The following TSNAXIP1 variants were observed in gnomAD, a reference collection of about 807,000 sequenced individuals.
TSNAXIP1 encodes translin associated factor X interacting protein 1, also known as translin-associated factor X-interacting protein 1.
TSNAXIP1 carries 89 observed loss-of-function variants against 84.8 expected under a neutral mutation model. The observed-to-expected ratio is 1.05, with a 90% CI of 0.88 to 1.25. The LOEUF is 1.25. Among genes scored for constraint, TSNAXIP1 ranks in the 50% most tolerant of loss-of-function variants. TSNAXIP1 has a pLI of 0.00. For synonymous variants in TSNAXIP1, 347 were observed against 335.2 expected, an observed-to-expected ratio of 1.04 and a Z score of -0.39; for missense variants, 874 against 887.6, an observed-to-expected ratio of 0.98 and a Z score of 0.20.
Position 67,826,232 on chromosome 16 carries a change from G to A in TSNAXIP1, c.1225G>A (p.Glu409Lys). The A allele has an allele frequency of 2.5e-6, 4 of 1,600,134 alleles. No homozygotes were observed. Among genetic ancestry groups the A allele is most frequent in the Non-Finnish European group, 3.4e-6 (4 of 1,172,054 alleles). ...NSDQLVDVLL[E>K]EIGSGLLREK... is the part of the protein sequence containing the mutation. ...CGACCAGCTGGTGGACGTGCTCCTG[G>A]AAGAGATTGGTTCGGGGCTGCTGCG... is the stretch of plus-strand genomic sequence containing the variant. Residue 409 changes from glutamate to lysine, a missense_variant, in exon 10 of 16, where the codon GAA becomes AAA. Glu to Lys is a moderately conservative substitution (Grantham distance 56). Transcript: ENST00000561639.
intron 2 of TSNAXIP1, among the ~76,000 whole-genome samples, chr16:67,814,889 G>A (rs1182585578): frequency 1.3e-5 from 2 of 152,178 alleles, no homozygotes; most frequent in African/African-American, 2.4e-5. Flanking sequence ...CTGAGTAGGT[G>A]TGTGAAGGCA....
At chr16:67,822,915 T>C (rs2057177029) in intron 4 of TSNAXIP1, among the ~76,000 whole-genome samples, 3 of 152,208 alleles carry the variant, frequency 2.0e-5, no homozygotes, top group Non-Finnish European at 4.4e-5. Context: ...ACCACACCCC[T>C]ACTTGCATGT....
rs76230155 is a variant in TSNAXIP1, at chr16:67,812,791, A to T, written c.48-1511A>T. Among the ~76,000 whole-genome samples the T allele has an allele frequency of 7.9e-4, 120 of 152,042 alleles. 1 individual carries two copies. The East Asian group carries it at 0.021, about 27-fold the overall frequency. On this transcript the variant is annotated intron_variant, in intron 1 of 15. Transcript: ENST00000561639. ...AACCAGAAATAAATAAATAAATAAA[A>T]ATAGAGGCAAAGTCTCACTATGTTG...
Position 67,827,012 on chromosome 16 carries a change from T to C in TSNAXIP1, c.1604T>C (p.Leu535Pro). ...CAGAAGGAGACAGTAGCCCAGCTGC[T>C]GAAGGAGATGACAAATGCTGACAGT... ...VTQKETVAQL[L>P]KEMTNADSQN... Residue 535 changes from leucine (L) to proline (P), a missense_variant, in exon 13 of 16, where the codon CTG (leucine) becomes CCG (proline). By Grantham distance (98) the Leu-to-Pro change is moderately conservative. Transcript: ENST00000561639. 3 of 1,614,176 alleles carry C rather than the reference T, an allele frequency of 1.9e-6. No individual in the cohort carries two copies. Among genetic ancestry groups the C allele is most frequent in the Non-Finnish European group, 2.5e-6 (3 of 1,180,040 alleles).
intron 1 of TSNAXIP1, 46 bp downstream of exon 1, chr16:67,807,242 T>C (rs1666082144): frequency 6.5e-7 from 1 of 1,535,692 alleles, no homozygotes; most frequent in Admixed American, 2.0e-5. Context: ...TTTGAGTACT[T>C]CTAGAGAGGG....
chr16:67,827,774 C>T lies in TSNAXIP1; in HGVS notation c.1920C>T (p.Pro640=). Residue 640 remains proline, a synonymous_variant, in exon 16 of 16, where the codon CCC becomes CCT. Coordinates refer to ENST00000561639, the MANE Select transcript of TSNAXIP1 (RefSeq NM_001288990.3). Reference sequence around the variant, plus strand: ...GCAGCCATGAGGAAGTGACTCTGCCCAAGCTGCGAGGGGGCCTGATGACCA... The same window carrying T: ...GCAGCCATGAGGAAGTGACTCTGCCTAAGCTGCGAGGGGGCCTGATGACCA... The part of the protein sequence containing the change: ...GIELHEEVTL[P]KLRGGLMTID... 1.2e-6 allele frequency: 2 copies of T among 1,614,068 alleles called. No individual in the cohort carries two copies. Among genetic ancestry groups the T allele is most frequent in the Non-Finnish European group, 1.7e-6 (2 of 1,180,036 alleles).
chr16:67,808,909 G>A (rs971304169), intron 1 of TSNAXIP1, among the ~76,000 whole-genome samples: 4 of 151,682 alleles, frequency 2.6e-5, no homozygotes, highest in African/African-American at 9.7e-5. Flanking sequence ...GCACAGGGCT[G>A]GTCATGATGG....
At chr16:67,823,515 C>G in intron 4 of TSNAXIP1, 111 bp from the exon 5 acceptor site, 1 of 786,974 alleles carries the variant, frequency 1.3e-6, no homozygotes. Context: ...AGCACTCCAG[C>G]CTGGGTGATG....
chr16:67,807,263 T>C, intron 1 of TSNAXIP1, 67 bp downstream of exon 1: 3 of 1,535,610 alleles, frequency 2.0e-6, no homozygotes, highest in Non-Finnish European at 2.6e-6. Flanking sequence ...AAATGGCACT[T>C]GATCCGGACC....
chr16:67,820,825 G>T lies in TSNAXIP1; in HGVS notation c.148-14G>T, dbSNP rs576667303. The T allele has an allele frequency of 6.6e-6, 10 of 1,510,172 alleles. No homozygotes were observed. In the South Asian group the frequency reaches 1.1e-4, roughly 16 times the overall value. 93.5% of individuals were successfully genotyped at this position (1,510,172 alleles called of 1,614,324 possible). A position where few individuals can be genotyped will look rare whatever the true frequency, so the allele number is the denominator to read the frequency against. ...CAATGTTGCCATGGCAACCCCACCT[G>T]TACCTCCCTGCAGACTGGTCAGTTC... On this transcript the variant is annotated splice_polypyrimidine_tract_variant and intron_variant, in intron 2 of 15. Transcript: ENST00000561639.
rs763233018 is a variant in TSNAXIP1, at chr16:67,825,685, C to T, written c.833C>T (p.Pro278Leu). 1.2e-6 allele frequency: 2 copies of T among 1,613,338 alleles called. No individual in the cohort carries two copies. The highest frequency in any genetic ancestry group is 1.7e-5 in the Admixed American group (1 of 59,978). The stretch of plus-strand genomic sequence containing the variant: ...CTGGCAGGCATCTGGGGGGAGGACC[C>T]TGTGAAGTTAACCCTGGCTCTTAAG... ...AQSPGIWGED[P>L]VKLTLALKMT... The change falls in exon 8 of 16, where the codon CCT (proline) becomes CTT (leucine). Residue 278 changes from proline to leucine, a missense_variant. Transcript: ENST00000561639.
rs1016033678 is a variant in TSNAXIP1 at position 67,807,009 on chromosome 16, G to T, written c.-141G>T. 7.4e-6 allele frequency: 10 copies of T among 1,353,002 alleles called. No individual in the cohort carries two copies. Among genetic ancestry groups the T allele is most frequent in the Non-Finnish European group, 7.8e-6 (8 of 1,021,548 alleles). The allele number at this position is 1,353,002 out of a possible 1,614,324, so 83.8% of individuals were successfully genotyped here. ...TTTGTCCTACTCCCAGCCCGCGGGC[G>T]CTAGGCTCGGGGGCGTGGCGCATCC... On this transcript the variant is annotated 5_prime_UTR_variant, in exon 1 of 16. Coordinates refer to ENST00000561639, the MANE Select transcript of TSNAXIP1 (RefSeq NM_001288990.3).
intron 1 of TSNAXIP1, among the ~76,000 whole-genome samples, chr16:67,813,523 A>G (rs1598004411): frequency 1.3e-5 from 2 of 152,164 alleles, no homozygotes; most frequent in Non-Finnish European, 1.5e-5. Flanking sequence ...TCATGAGGTC[A>G]GGAATTCAAG....
chr16:67,825,971 A>G lies in TSNAXIP1; in HGVS notation c.1039A>G (p.Met347Val). Residue 347 changes from methionine to valine, a missense_variant, in exon 9 of 16, where the codon ATG (methionine) becomes GTG (valine). By Grantham distance (21) the Met-to-Val change is conservative (BLOSUM62 1). Coordinates refer to ENST00000561639, the MANE Select transcript of TSNAXIP1 (RefSeq NM_001288990.3). ...GGTTCGCAAGGAGCATGAGATCCTC[A>G]TGCAGCTGCACATGAGCACGCTGAA... ...EEVRKEHEIL[M>V]QLHMSTLKER... 1 of 1,614,132 alleles carries G rather than the reference A, an allele frequency of 6.2e-7. No homozygotes were observed. Among genetic ancestry groups the G allele is most frequent in the Non-Finnish European group, 8.5e-7 (1 of 1,180,024 alleles).
Position 67,807,164 on chromosome 16 carries a change from G to A in TSNAXIP1, c.15G>A (p.Gln5=). MACQ[Q]SRYHSFSSAS... ...GCCCGTGGGTCATGGCCTGCCAGCA[G>A]TCGCGGTACCACAGCTTCTCGTCCG... is the stretch of plus-strand genomic sequence containing the variant. Residue 5 remains glutamine, a synonymous_variant, in exon 1 of 16, where the codon CAG becomes CAA. Coordinates refer to ENST00000561639, the MANE Select transcript of TSNAXIP1 (RefSeq NM_001288990.3). The A allele has an allele frequency of 2.6e-6, 4 of 1,535,834 alleles. No individual in the cohort carries two copies. The highest frequency in any genetic ancestry group is 2.6e-6 in the Non-Finnish European group (3 of 1,146,876).
chr16:67,824,677 A>G lies in TSNAXIP1; in HGVS notation c.576A>G (p.Arg192=). Residue 192 remains arginine (R), a synonymous_variant, in exon 6 of 16, where the codon AGA becomes AGG. Transcript: ENST00000561639. ...EDCNERILAM[R]AEEKYEISLL... ...GCAATGAGAGGATCCTGGCCATGAG[A>G]GCTGAGGAGAAATATGAAATCTCCC... 6.2e-7 allele frequency: 1 copy of G among 1,614,144 alleles called. No homozygotes were observed. Among genetic ancestry groups the G allele is most frequent in the Non-Finnish European group, 8.5e-7 (1 of 1,180,028 alleles).
rs778959495 is a variant in TSNAXIP1 at position 67,827,903 on chromosome 16, C to T, written c.2049C>T (p.Ala683=). Residue 683 remains alanine (A), a synonymous_variant, in exon 16 of 16, where the codon GCC becomes GCT. Transcript: ENST00000561639. ...MPEEGDEKEE[A]VVEILQTALE... is the part of the protein sequence containing the mutation. ...AGGAGGGTGACGAGAAGGAAGAAGC[C>T]GTGGTGGAAATCCTCCAGACTGCCC... 51 of 1,613,906 alleles carry T rather than the reference C, an allele frequency of 3.2e-5. No individual in the cohort carries two copies. The highest frequency in any genetic ancestry group is 1.6e-4 in the South Asian group (15 of 91,086).
intron 1 of TSNAXIP1, among the ~76,000 whole-genome samples, chr16:67,813,891 C>T (rs985382710): frequency 1.3e-5 from 2 of 152,114 alleles, no homozygotes; most frequent in African/African-American, 4.8e-5. Context: ...CTCAGACTCA[C>T]ACCCCAGATC....
chr16:67,825,641 G>C (rs1233415098), intron 7 of TSNAXIP1, 26 bp from the exon 8 acceptor site: 8 of 1,594,592 alleles, frequency 5.0e-6, no homozygotes, highest in Non-Finnish European at 6.0e-6. Flanking sequence ...CGGTGACACG[G>C]GCTGGTGGGC....
Sources: gnomAD v4.1 joint callset for allele counts (sites outside exome capture counted in the v4.1 genomes callset) on GRCh38, gnomAD v4.1.1 for gene constraint, MANE v1.5 for transcripts, NCBI Gene and HGNC (gene_info 2026-07-23, HGNC 2026-07-21) for gene names.